The following PTPRM variants were observed in gnomAD, a reference collection of about 807,000 sequenced individuals.
The protein encoded by PTPRM is protein tyrosine phosphatase receptor type M.
PTPRM carries 47 observed loss-of-function variants against 186.7 expected under a neutral mutation model. The ratio of observed to expected loss-of-function variants is 0.25; its 90% CI spans 0.20 to 0.32. The LOEUF (loss-of-function observed/expected upper bound fraction) is 0.32. Ranked by LOEUF, PTPRM falls within the 10% of genes least tolerant of loss-of-function variation. PTPRM has a pLI of 1.00. For synonymous variants in PTPRM, 668 were observed against 674.9 expected (o/e 0.99, Z 0.16); for missense variants, 1,494 against 1,865.0 (o/e 0.80, Z 3.66).
intron 1 of PTPRM, among the ~76,000 whole-genome samples, chr18:7,601,199 G>C (rs994460868): frequency 1.3e-5 from 2 of 152,150 alleles, no homozygotes; most frequent in Non-Finnish European, 2.9e-5. Flanking sequence ...TCTAGCCCGC[G>C]GTTTCTGAAC....
At chr18:7,911,781 G>C (rs1471280420) in intron 4 of PTPRM, among the ~76,000 whole-genome samples, 1 of 148,054 alleles carries the variant, frequency 6.8e-6, no homozygotes, top group Non-Finnish European at 1.5e-5. Flanking sequence ...ATTTGGAGTT[G>C]TAGCTAATAA....
intron 1 of PTPRM, among the ~76,000 whole-genome samples, chr18:7,643,635 C>T (rs1210774405): frequency 6.6e-6 from 1 of 152,154 alleles, no homozygotes; most frequent in Non-Finnish European, 1.5e-5. Context: ...CCACTGTGCC[C>T]AGCCCTCATT....
At chr18:7,924,475 C>T (rs1232954032) in intron 4 of PTPRM, among the ~76,000 whole-genome samples, 3 of 151,998 alleles carry the variant, frequency 2.0e-5, no homozygotes, top group South Asian at 4.2e-4. Context: ...ATGTTGGGGA[C>T]TTGTGGTGTA....
At chr18:8,340,147 G>A (rs757601525) in intron 22 of PTPRM, among the ~76,000 whole-genome samples, 7 of 152,214 alleles carry the variant, frequency 4.6e-5, no homozygotes, top group Non-Finnish European at 1.0e-4. Context: ...AGGAACGGCC[G>A]CCAAGTGTTG....
At chr18:8,171,198 A>T (rs547363331) in intron 14 of PTPRM, among the ~76,000 whole-genome samples, 3 of 152,296 alleles carry the variant, frequency 2.0e-5, no homozygotes, top group South Asian at 2.1e-4. Flanking sequence ...AACTTTTTTT[A>T]AAAAGTTGCA....
chr18:8,285,931 C>T lies in PTPRM; in HGVS notation c.2755-10437C>T, dbSNP rs925667080. ...CACTTGAGCTCGGGGTCAAGGGCTG[C>T]AGTGAGCTGAGATCACACCACTGCA... On this transcript the variant is annotated intron_variant, in intron 19 of 32. Transcript: ENST00000580170. Among the ~76,000 whole-genome samples, 3 of 152,150 alleles carry T rather than the reference C, an allele frequency of 2.0e-5. No individual in the cohort carries two copies. The East Asian group carries it at 5.8e-4, about 29-fold the overall frequency.
intron 1 of PTPRM, among the ~76,000 whole-genome samples, chr18:7,629,129 C>G (rs144072590): frequency 1.3e-5 from 2 of 152,070 alleles, no homozygotes; most frequent in African/African-American, 4.8e-5. Flanking sequence ...ATTAAGATGG[C>G]GGGGGTGCCA....
chr18:7,609,520 C>CTTT (rs11444902), intron 1 of PTPRM, among the ~76,000 whole-genome samples: 51 of 139,366 alleles, frequency 3.7e-4, no homozygotes, highest in African/African-American at 1.2e-3. Context: ...TGCCTGTCTC[C>CTTT]TTTTTTTTTT....
intron 2 of PTPRM, among the ~76,000 whole-genome samples, chr18:7,800,568 A>G (rs2145343618): frequency 6.6e-6 from 1 of 152,372 alleles, no homozygotes; most frequent in Non-Finnish European, 1.5e-5. Context: ...AGGTTGGAGT[A>G]TCATGTAATG....
Position 8,069,720 on chromosome 18 carries a change from G to A in PTPRM, c.1167G>A (p.Val389=). The stretch of plus-strand genomic sequence containing the variant: ...GAGGCCCAAGAAAACTAGAAGTAGT[G>A]GAGGTCAAATCTCGGCAAATCACTA... ...PMRGPRKLEV[V]EVKSRQITIR... The change falls in exon 8 of 33, where the codon GTG becomes GTA. Residue 389 remains valine, a synonymous_variant. Transcript: ENST00000580170. 6 of 1,613,800 alleles carry A rather than the reference G, an allele frequency of 3.7e-6. No individual in the cohort carries two copies. The highest frequency in any genetic ancestry group is 5.1e-6 in the Non-Finnish European group (6 of 1,179,700).
At chr18:7,896,490 A>G (rs942627273) in intron 3 of PTPRM, among the ~76,000 whole-genome samples, 1 of 152,086 alleles carries the variant, frequency 6.6e-6, no homozygotes, top group East Asian at 1.9e-4. Context: ...GATCTTTGAT[A>G]TAAATGGTTG....
chr18:7,603,905 T>G (rs2143775448), intron 1 of PTPRM, among the ~76,000 whole-genome samples: 1 of 152,338 alleles, frequency 6.6e-6, no homozygotes, highest in African/African-American at 2.4e-5. Flanking sequence ...CACACTGGCT[T>G]TAGTTTATAG....
At chr18:8,234,117 C>A (rs2094317966) in intron 14 of PTPRM, among the ~76,000 whole-genome samples, 1 of 152,086 alleles carries the variant, frequency 6.6e-6, no homozygotes, top group South Asian at 2.1e-4. Flanking sequence ...TTTTGCCTCT[C>A]CATATAGAAT....
At chr18:8,319,086 T>C in intron 21 of PTPRM, 92 bp from the exon 22 acceptor site, 1 of 844,054 alleles carries the variant, frequency 1.2e-6, no homozygotes, top group Non-Finnish European at 1.9e-6. Flanking sequence ...TTGGCGTTTG[T>C]GTGCACATTC....
rs373279998 is a variant in PTPRM, at chr18:8,396,711, G to A, written c.4344+2100G>A. 2.6e-5 allele frequency among the ~76,000 whole-genome samples: 4 copies of A among 152,336 alleles called. 1 individual carries two copies. Among genetic ancestry groups the A allele is most frequent in the African/African-American group, 9.6e-5 (4 of 41,564 alleles). ...ACCTCCAAAGTCAGCAGCAGGTGGA[G>A]GATAAGGTCAGGGTCTGAGAAATGT... On this transcript the variant is annotated intron_variant, in intron 32 of 32. Transcript: ENST00000580170.
At chr18:8,138,550 ATCT>A (rs1441474577) in intron 13 of PTPRM, among the ~76,000 whole-genome samples, 1 of 151,980 alleles carries the variant, frequency 6.6e-6, no homozygotes, top group South Asian at 2.1e-4. Context: ...GTCTCCCCTC[ATCT>A]TCTTGGTTCC....
At chr18:7,853,852 T>C (rs2046977139) in intron 2 of PTPRM, among the ~76,000 whole-genome samples, 1 of 152,210 alleles carries the variant, frequency 6.6e-6, no homozygotes, top group Non-Finnish European at 1.5e-5. Context: ...AGCTTTGAAC[T>C]TCAATGAAAA....
At chr18:8,192,649 T>C (rs1336662168) in intron 14 of PTPRM, among the ~76,000 whole-genome samples, 1 of 152,194 alleles carries the variant, frequency 6.6e-6, no homozygotes, top group Non-Finnish European at 1.5e-5. Flanking sequence ...GGGGGATGTT[T>C]TTCCTTACAG....
At chr18:8,116,522 G>A (rs913284670) in intron 13 of PTPRM, among the ~76,000 whole-genome samples, 1 of 152,164 alleles carries the variant, frequency 6.6e-6, no homozygotes, top group East Asian at 1.9e-4. Flanking sequence ...CTCATGGCTC[G>A]TCACCCAGCA....
Sources: allele counts gnomAD v4.1 joint callset (sites outside exome capture counted in the v4.1 genomes callset), GRCh38; gene constraint gnomAD v4.1.1; transcripts MANE v1.5; gene names NCBI Gene and HGNC (gene_info 2026-07-23, HGNC 2026-07-21).